The following EPHA6 variants were observed in gnomAD, a reference collection of about 807,000 sequenced individuals.
EPHA6 encodes the protein ephrin type-A receptor 6.
EPHA6 carries 50 observed loss-of-function variants against 112.0 expected under a neutral mutation model. That is an observed-to-expected ratio of 0.45 (90% CI 0.36 to 0.56). The LOEUF is 0.56. Ranked by LOEUF, EPHA6 falls within the 20% of genes least tolerant of loss-of-function variation. The pLI is 0.00. For missense variants in EPHA6, 1,280 were observed against 1,417.4 expected, an observed-to-expected ratio of 0.90 and a Z score of 1.56; for synonymous variants, 529 against 490.7, an observed-to-expected ratio of 1.08 and a Z score of -1.03.
chr3:96,983,016 T>A (rs1200745828), intron 2 of EPHA6, among the ~76,000 whole-genome samples: 1 of 152,168 alleles, frequency 6.6e-6, no homozygotes, highest in African/African-American at 2.4e-5. Flanking sequence ...AATTTTCCAG[T>A]CTGTGTCTTT....
chr3:97,099,624 A>C (rs192643607), intron 3 of EPHA6, among the ~76,000 whole-genome samples: 2 of 151,918 alleles, frequency 1.3e-5, no homozygotes, highest in East Asian at 1.9e-4. Flanking sequence ...CTGTTTCTGG[A>C]TACTGGAATG....
chr3:97,458,292 A>G (rs2090767426), intron 7 of EPHA6, among the ~76,000 whole-genome samples: 1 of 152,122 alleles, frequency 6.6e-6, no homozygotes, highest in African/African-American at 2.4e-5. Flanking sequence ...GAATACGGCA[A>G]TCTTACTGCT....
intron 3 of EPHA6, among the ~76,000 whole-genome samples, chr3:97,179,525 A>T (rs539149298): frequency 6.6e-6 from 1 of 152,170 alleles, no homozygotes; most frequent in South Asian, 2.1e-4. Flanking sequence ...GGCTTTCCAG[A>T]TATTTGAAAA....
At chr3:97,118,661 G>C (rs1410415951) in intron 3 of EPHA6, among the ~76,000 whole-genome samples, 1 of 151,880 alleles carries the variant, frequency 6.6e-6, no homozygotes, top group South Asian at 2.1e-4. Context: ...GTATATTTAA[G>C]AATCACACAA....
At chr3:97,360,147 G>A (rs2084299931) in intron 5 of EPHA6, among the ~76,000 whole-genome samples, 1 of 152,184 alleles carries the variant, frequency 6.6e-6, no homozygotes, top group South Asian at 2.1e-4. Context: ...CACAAGCTGT[G>A]TGCAAGCTGC....
At chr3:97,187,959 G>C (rs1201587201) in intron 3 of EPHA6, among the ~76,000 whole-genome samples, 2 of 152,058 alleles carry the variant, frequency 1.3e-5, no homozygotes, top group Admixed American at 6.6e-5. Context: ...GACACCATTT[G>C]ACACATATCT....
intron 11 of EPHA6, among the ~76,000 whole-genome samples, chr3:97,542,665 A>G (rs1308580920): frequency 6.6e-6 from 1 of 152,332 alleles, no homozygotes; most frequent in East Asian, 1.9e-4. Context: ...CTGAAGAATC[A>G]CCACACTGAC....
At chr3:97,529,774 C>T (rs951250577) in intron 10 of EPHA6, among the ~76,000 whole-genome samples, 1 of 151,858 alleles carries the variant, frequency 6.6e-6, no homozygotes, top group African/African-American at 2.4e-5. Context: ...TTGAGGCAAC[C>T]GTATTTAGTA....
intron 11 of EPHA6, among the ~76,000 whole-genome samples, chr3:97,539,038 GCTTTCTTT>G (rs1282186786): frequency 4.7e-5 from 3 of 64,138 alleles, no homozygotes; most frequent in African/African-American, 2.2e-4. Flanking sequence ...TTTCTTTCTT[GCTTTCTTT>G]CTTTCTTTTT....
chr3:96,857,550 C>T (rs2035767356), intron 1 of EPHA6, among the ~76,000 whole-genome samples: 1 of 152,130 alleles, frequency 6.6e-6, no homozygotes, highest in Non-Finnish European at 1.5e-5. Flanking sequence ...TCAGTAGTTT[C>T]CAGTAGGAAT....
At position 97,019,441 on chromosome 3, in the gene EPHA6, A is replaced by G. The variant is rs182548242; in HGVS notation, c.1114+31448A>G. Among the ~76,000 whole-genome samples, 15 of 152,008 alleles carry G rather than the reference A, an allele frequency of 9.9e-5. No homozygotes were observed. In the East Asian group the frequency reaches 2.5e-3, roughly 26 times the overall value. On this transcript the variant is annotated intron_variant, in intron 3 of 17. Coordinates refer to ENST00000389672, the MANE Select transcript of EPHA6 (RefSeq NM_001080448.3). Reference sequence around the variant, plus strand: ...TTCTTTTGCCATCACTCTCCTCTCTAGTAATCTATCTCCTGTGAACTCTTT... The same window carrying G: ...TTCTTTTGCCATCACTCTCCTCTCTGGTAATCTATCTCCTGTGAACTCTTT...
At chr3:97,029,313 A>G (rs1401822287) in intron 3 of EPHA6, among the ~76,000 whole-genome samples, 2 of 151,674 alleles carry the variant, frequency 1.3e-5, no homozygotes, top group African/African-American at 4.8e-5. Flanking sequence ...TATAAATTAC[A>G]TAAAAATTTT....
intron 14 of EPHA6, among the ~76,000 whole-genome samples, chr3:97,689,813 T>C (rs1311493528): frequency 1.3e-5 from 2 of 152,146 alleles, no homozygotes; most frequent in Admixed American, 1.3e-4. Context: ...CCCTTCCCGC[T>C]CTTTCCCAGC....
chr3:97,149,336 G>A (rs1333174609), intron 3 of EPHA6, among the ~76,000 whole-genome samples: 1 of 152,092 alleles, frequency 6.6e-6, no homozygotes, highest in African/African-American at 2.4e-5. Context: ...CTTGGCAATC[G>A]TGTTTGTACA....
intron 6 of EPHA6, among the ~76,000 whole-genome samples, chr3:97,443,509 T>A (rs1577430464): frequency 6.6e-6 from 1 of 152,050 alleles, no homozygotes; most frequent in African/African-American, 2.4e-5. Context: ...TAAAAGAGTC[T>A]CCTGGACTTT....
intron 4 of EPHA6, among the ~76,000 whole-genome samples, chr3:97,237,733 G>A (rs1248332005): frequency 6.6e-6 from 1 of 151,908 alleles, no homozygotes; most frequent in Non-Finnish European, 1.5e-5. Context: ...AATTATGACA[G>A]TGCTCGGATT....
At chr3:97,579,969 C>T (rs189823103) in intron 11 of EPHA6, among the ~76,000 whole-genome samples, 3 of 152,016 alleles carry the variant, frequency 2.0e-5, no homozygotes, top group Non-Finnish European at 2.9e-5. Flanking sequence ...ACTTTGAAAG[C>T]GATAAGTTTT....
intron 5 of EPHA6, among the ~76,000 whole-genome samples, chr3:97,379,869 A>T (rs2109015842): frequency 6.6e-6 from 1 of 152,184 alleles, no homozygotes; most frequent in South Asian, 2.1e-4. Context: ...AGATGAACTA[A>T]TTACAGACAT....
intron 3 of EPHA6, among the ~76,000 whole-genome samples, chr3:97,204,685 A>G (rs2108503767): frequency 6.6e-6 from 1 of 152,244 alleles, no homozygotes; most frequent in South Asian, 2.1e-4. Context: ...AAAAACAAAG[A>G]CACTTAAATC....
Sources: gnomAD v4.1 joint callset for allele counts (sites outside exome capture counted in the v4.1 genomes callset) on GRCh38, gnomAD v4.1.1 for gene constraint, MANE v1.5 for transcripts, NCBI Gene and HGNC (gene_info 2026-07-23, HGNC 2026-07-21) for gene names.